COX10: variants seen among roughly 807,000 people sequenced by gnomAD.
COX10 encodes cytochrome c oxidase assembly factor heme A:farnesyltransferase COX10, also known as protoheme IX farnesyltransferase, mitochondrial.
COX10 carries 27 observed loss-of-function variants against 37.3 expected under a neutral mutation model. That is an observed-to-expected ratio of 0.72 (90% CI 0.53 to 1.00). COX10 has a LOEUF of 1.00. Ranked by LOEUF, COX10 falls within the 50% of genes least tolerant of loss-of-function variation. The pLI is 0.00. For synonymous variants in COX10, 222 were observed against 229.1 expected (o/e 0.97, Z 0.28); for missense variants, 475 against 563.2 (o/e 0.84, Z 1.59).
chr17:14,113,131 T>G (rs1292250524), intron 4 of COX10, among the ~76,000 whole-genome samples: 1 of 152,206 alleles, frequency 6.6e-6, no homozygotes, highest in Non-Finnish European at 1.5e-5. Flanking sequence ...AGATTTCAGC[T>G]AAAACGTCAT....
At chr17:14,196,145 TA>T (rs1179279835) in intron 6 of COX10, among the ~76,000 whole-genome samples, 3 of 152,154 alleles carry the variant, frequency 2.0e-5, no homozygotes, top group African/African-American at 4.8e-5. Flanking sequence ...ACCACCTTTA[TA>T]AACTGGTCCC....
In COX10 at chr17:14,087,748, C is replaced by A. The variant is rs375740083; in HGVS notation, c.499+10692C>A. Among the ~76,000 whole-genome samples, 79 of 150,526 alleles carry A rather than the reference C, an allele frequency of 5.2e-4. No individual in the cohort carries two copies. The South Asian group carries it at 0.011, about 21-fold the overall frequency. On this transcript the variant is annotated intron_variant, in intron 3 of 6. Coordinates refer to ENST00000261643, the MANE Select transcript of COX10 (RefSeq NM_001303.4). ...AGGGCCAATGTCCTGTTTCCCAAAT[C>A]TGGTTTTTAGTGTCGTCTGCTTCTC...
At chr17:14,104,920 A>AGTGT (rs1207176840) in intron 4 of COX10, among the ~76,000 whole-genome samples, 1 of 152,180 alleles carries the variant, frequency 6.6e-6, no homozygotes, top group Admixed American at 6.5e-5. Context: ...TTGAAACCGT[A>AGTGT]GTGTGGCTTT....
chr17:14,104,038 C>T (rs555656052), intron 4 of COX10, among the ~76,000 whole-genome samples: 11 of 152,214 alleles, frequency 7.2e-5, no homozygotes, highest in East Asian at 5.8e-4. Context: ...GCTGGAACTC[C>T]GTGTCATGTT....
At chr17:14,087,277 A>T (rs748410781) in intron 3 of COX10, among the ~76,000 whole-genome samples, 9 of 152,070 alleles carry the variant, frequency 5.9e-5, no homozygotes, top group Non-Finnish European at 1.3e-4. Context: ...CTTCCATGCT[A>T]CTTTTTTTTC....
intron 4 of COX10, among the ~76,000 whole-genome samples, chr17:14,120,720 A>G (rs1215556113): frequency 2.6e-5 from 4 of 152,214 alleles, no homozygotes; most frequent in Admixed American, 6.5e-5. Flanking sequence ...ATGAGAAATC[A>G]AATTGGAGAG....
intron 6 of COX10, among the ~76,000 whole-genome samples, chr17:14,203,327 G>T (rs905781665): frequency 2.0e-5 from 3 of 152,022 alleles, no homozygotes; most frequent in Admixed American, 6.6e-5. Flanking sequence ...CTAAAATCAG[G>T]TCTTTGTTAT....
At chr17:14,148,401 A>G (rs1904793430) in intron 4 of COX10, among the ~76,000 whole-genome samples, 1 of 152,190 alleles carries the variant, frequency 6.6e-6, no homozygotes, top group African/African-American at 2.4e-5. Flanking sequence ...CCTGCTGGAT[A>G]AGGTGCCTCT....
chr17:14,191,320 G>C (rs28496828), intron 5 of COX10, among the ~76,000 whole-genome samples: 144,769 of 145,720 alleles, frequency 0.99, 71,926 homozygotes, highest in Middle Eastern at 1. Flanking sequence ...AATCCCGTGT[G>C]CATAAGTCAC....
intron 4 of COX10, among the ~76,000 whole-genome samples, chr17:14,128,734 A>G (rs1270152415): frequency 1.3e-5 from 2 of 152,240 alleles, no homozygotes; most frequent in African/African-American, 2.4e-5. Context: ...TGGATTTATG[A>G]TTGTACAGCT....
intron 4 of COX10, among the ~76,000 whole-genome samples, chr17:14,108,745 C>A (rs1254185334): frequency 6.6e-6 from 1 of 152,028 alleles, no homozygotes; most frequent in East Asian, 1.9e-4. Flanking sequence ...AAATTTACAT[C>A]TTTTTAAACT....
At chr17:14,150,271 C>CA (rs1006516567) in intron 4 of COX10, among the ~76,000 whole-genome samples, 43 of 136,814 alleles carry the variant, frequency 3.1e-4, no homozygotes, top group South Asian at 6.9e-4. Flanking sequence ...AACCCTGTCT[C>CA]AAAAAAAAAA....
At chr17:14,166,792 T>TG (rs947104560) in intron 5 of COX10, among the ~76,000 whole-genome samples, 1 of 145,124 alleles carries the variant, frequency 6.9e-6, no homozygotes, top group African/African-American at 2.5e-5. Context: ...TTTCTTTTTT[T>TG]TTTTTTTTTT....
intron 4 of COX10, among the ~76,000 whole-genome samples, chr17:14,127,865 G>A (rs531871164): frequency 6.6e-6 from 1 of 151,570 alleles, no homozygotes; most frequent in East Asian, 1.9e-4. Flanking sequence ...CTTTAGAAGT[G>A]TTTTTAATTT....
At chr17:14,074,194 A>T (rs947018108) in intron 1 of COX10, 129 bp from the exon 2 acceptor site, 41 of 943,786 alleles carry the variant, frequency 4.3e-5, no homozygotes, top group African/African-American at 1.6e-5. Flanking sequence ...AGATTATTTC[A>T]AAGCTCTGAC....
intron 5 of COX10, among the ~76,000 whole-genome samples, chr17:14,168,062 C>G (rs939444658): frequency 1.3e-5 from 2 of 152,176 alleles, no homozygotes; most frequent in African/African-American, 4.8e-5. Context: ...AATTCAAAAG[C>G]AAGTTAGTTA....
intron 4 of COX10, among the ~76,000 whole-genome samples, chr17:14,145,945 G>C (rs748722936): frequency 3.9e-4 from 59 of 151,968 alleles, no homozygotes; most frequent in African/African-American, 1.4e-3. Context: ...ATTGACTAAG[G>C]CTCCGTTAAT....
intron 5 of COX10, among the ~76,000 whole-genome samples, chr17:14,187,956 C>G (rs62052064): frequency 6.6e-6 from 1 of 152,196 alleles, no homozygotes; most frequent in South Asian, 2.1e-4. Context: ...CAACAAAGGT[C>G]AGAAACTAAA....
At chr17:14,130,925 A>G (rs1045288470) in intron 4 of COX10, among the ~76,000 whole-genome samples, 1 of 152,112 alleles carries the variant, frequency 6.6e-6, no homozygotes, top group Admixed American at 6.6e-5. Flanking sequence ...CCCATGATTT[A>G]GTCTGTGTGA....
Sources: gnomAD v4.1 joint callset for allele counts (sites outside exome capture counted in the v4.1 genomes callset) on GRCh38, gnomAD v4.1.1 for gene constraint, MANE v1.5 for transcripts, NCBI Gene and HGNC (gene_info 2026-07-23, HGNC 2026-07-21) for gene names.